STARD13: variants seen among roughly 807,000 people sequenced by gnomAD.
STARD13 encodes the protein stAR-related lipid transfer protein 13.
Under a neutral mutation model 106.4 loss-of-function variants are expected in STARD13, and 62 were observed. The ratio of observed to expected loss-of-function variants is 0.58; its 90% CI spans 0.48 to 0.72. The LOEUF (loss-of-function observed/expected upper bound fraction) is 0.72, where lower values mean the gene tolerates loss of function less well. STARD13 is among the 30% of genes least tolerant of loss of function. The pLI, the probability that STARD13 is intolerant of heterozygous loss-of-function variation, is 0.00. For synonymous variants in STARD13, 565 were observed against 553.0 expected (o/e 1.02, Z -0.31); for missense variants, 1,387 against 1,424.0 (o/e 0.97, Z 0.42).
chr13:33,189,380 C>G (rs147340994), intron 1 of STARD13, among the ~76,000 whole-genome samples: 1 of 125,708 alleles, frequency 8.0e-6, no homozygotes, highest in South Asian at 2.8e-4. Context: ...AGGAAGGGAA[C>G]GACAAACCAG....
upstream of STARD13, among the ~76,000 whole-genome samples, chr13:33,289,063 A>G (rs1892187769): frequency 6.6e-6 from 1 of 152,186 alleles, no homozygotes; most frequent in African/African-American, 2.4e-5. Flanking sequence ...CAACTGAGAG[A>G]GCTGGTCCTC....
At chr13:33,372,321 T>C in the STARD13 span, among the ~76,000 whole-genome samples, 2 of 152,194 alleles carry the variant, frequency 1.3e-5, no homozygotes, top group South Asian at 4.1e-4. Flanking sequence ...TGTGCATGAA[T>C]GCACCATTAT....
At chr13:33,152,876 C>T (rs1476776779) in intron 3 of STARD13, among the ~76,000 whole-genome samples, 1 of 152,044 alleles carries the variant, frequency 6.6e-6, no homozygotes, top group Non-Finnish European at 1.5e-5. Flanking sequence ...AGCCCGTGGC[C>T]TATAACAGAA....
At chr13:33,619,592 T>C in the STARD13 span, among the ~76,000 whole-genome samples, 1 of 152,118 alleles carries the variant, frequency 6.6e-6, no homozygotes, top group East Asian at 1.9e-4. Flanking sequence ...AGTATAGGTG[T>C]AGATAAAAAG....
At chr13:33,131,910 C>G (rs1234332793) in intron 4 of STARD13, among the ~76,000 whole-genome samples, 1 of 152,228 alleles carries the variant, frequency 6.6e-6, no homozygotes, top group African/African-American at 2.4e-5. Flanking sequence ...CAGTCCCTCA[C>G]TGAGAGGTAT....
At chr13:33,434,314 C>T in the STARD13 span, among the ~76,000 whole-genome samples, 5 of 129,788 alleles carry the variant, frequency 3.9e-5, no homozygotes, top group African/African-American at 1.5e-4. Context: ...GATCATTCCA[C>T]TGCACTCCAG....
At chr13:33,669,010 CA>C in the STARD13 span, among the ~76,000 whole-genome samples, 2 of 152,192 alleles carry the variant, frequency 1.3e-5, no homozygotes, top group Non-Finnish European at 2.9e-5. Flanking sequence ...GGAAAATGGA[CA>C]GAGAAAAGTT....
At chr13:33,552,946 A>C in the STARD13 span, among the ~76,000 whole-genome samples, 3 of 152,178 alleles carry the variant, frequency 2.0e-5, no homozygotes, top group Admixed American at 2.0e-4. Context: ...GAAATGAATT[A>C]CACAAGCTAT....
intron 1 of STARD13, among the ~76,000 whole-genome samples, chr13:33,275,025 T>G (rs1316808545): frequency 6.6e-6 from 1 of 152,114 alleles, no homozygotes; most frequent in Non-Finnish European, 1.5e-5. Flanking sequence ...GACTGTCTCT[T>G]TCACTGCTAC....
At chr13:33,352,335 C>A (rs1460024546), upstream of STARD13, among the ~76,000 whole-genome samples, 1 of 152,174 alleles carries the variant, frequency 6.6e-6, no homozygotes, top group Non-Finnish European at 1.5e-5. Context: ...CAATTACATT[C>A]CCAGGAAAGC....
At chr13:33,527,032 G>A in the STARD13 span, among the ~76,000 whole-genome samples, 1 of 152,026 alleles carries the variant, frequency 6.6e-6, no homozygotes. Context: ...AAGCGACACA[G>A]CTAGAAAAAT....
At chr13:33,487,256 G>A in the STARD13 span, among the ~76,000 whole-genome samples, 2 of 152,172 alleles carry the variant, frequency 1.3e-5, no homozygotes, top group Non-Finnish European at 2.9e-5. Context: ...TGCTGTTGCT[G>A]TAGTTGTATT....
At chr13:33,221,947 G>A (rs1056425449) in intron 1 of STARD13, among the ~76,000 whole-genome samples, 9 of 152,146 alleles carry the variant, frequency 5.9e-5, no homozygotes, top group Non-Finnish European at 8.8e-5. Context: ...TCAAGAGATC[G>A]AGACCATCCT....
At chr13:33,668,408 G>A in the STARD13 span, among the ~76,000 whole-genome samples, 1 of 152,164 alleles carries the variant, frequency 6.6e-6, no homozygotes, top group African/African-American at 2.4e-5. Flanking sequence ...CCTGGTGGTG[G>A]GCATTGTGGG....
chr13:33,216,263 A>T (rs149669334), intron 1 of STARD13, among the ~76,000 whole-genome samples: 1 of 152,324 alleles, frequency 6.6e-6, no homozygotes, highest in African/African-American at 2.4e-5. Context: ...ATACTTGCAT[A>T]TGCATGTTTA....
At chr13:33,651,874 C>A in the STARD13 span, among the ~76,000 whole-genome samples, 2 of 152,190 alleles carry the variant, frequency 1.3e-5, no homozygotes, top group Admixed American at 1.3e-4. Context: ...CTGAGCTCAC[C>A]TTCCTCTCTC....
chr13:33,313,205 T>G (rs1301971236), intron 1 of STARD13, among the ~76,000 whole-genome samples: 1 of 152,246 alleles, frequency 6.6e-6, no homozygotes, highest in Non-Finnish European at 1.5e-5. Context: ...TGCATTGCTG[T>G]AGATATCTGC....
intron 1 of STARD13, among the ~76,000 whole-genome samples, chr13:33,227,863 G>A (rs1430119076): frequency 2.6e-5 from 4 of 152,112 alleles, no homozygotes; most frequent in African/African-American, 9.7e-5. Context: ...TTAAAGTGAT[G>A]AGGAGAATAC....
At chr13:33,537,207 C>A in the STARD13 span, among the ~76,000 whole-genome samples, 1 of 152,158 alleles carries the variant, frequency 6.6e-6, no homozygotes, top group Non-Finnish European at 1.5e-5. Context: ...ATTGGTTTTG[C>A]GTCCTAGTGC....
Sources: gnomAD v4.1 joint callset for allele counts (sites outside exome capture counted in the v4.1 genomes callset) on GRCh38, gnomAD v4.1.1 for gene constraint, MANE v1.5 for transcripts, NCBI Gene and HGNC (gene_info 2026-07-23, HGNC 2026-07-21) for gene names.